The following AFF3 variants were observed in gnomAD, a reference collection of about 807,000 sequenced individuals.
AFF3 encodes AF4/FMR2 family member 3.
A neutral mutation model predicts 129.7 loss-of-function variants in AFF3; 32 were observed. That is an observed-to-expected ratio of 0.25 (90% CI 0.19 to 0.33). The LOEUF is 0.33. Ranked by LOEUF, AFF3 falls within the 10% of genes least tolerant of loss-of-function variation. AFF3 has a pLI of 1.00. For missense variants in AFF3, 1,373 were observed against 1,592.0 expected (o/e 0.86, Z 2.34); for synonymous variants, 644 against 635.4 (o/e 1.01, Z -0.20).
At chr2:100,107,504 A>T (rs1691356281) in intron 2 of AFF3, 2 of 985,178 alleles carry the variant, frequency 2.0e-6, no homozygotes, top group Non-Finnish European at 2.4e-6. Flanking sequence ...TGTTAGAGTG[A>T]TGTTTTCTAT....
intron 13 of AFF3, among the ~76,000 whole-genome samples, chr2:99,618,526 G>A (rs539711308): frequency 6.4e-4 from 97 of 152,050 alleles, no homozygotes; most frequent in Non-Finnish European, 1.1e-3. Context: ...GTGAGCCACC[G>A]CACCCAGCCT....
chr2:100,094,070 G>A (rs1690088382), intron 4 of AFF3, among the ~76,000 whole-genome samples: 2 of 152,210 alleles, frequency 1.3e-5, no homozygotes, highest in South Asian at 2.1e-4. Context: ...TGCTAGAGCT[G>A]TATCCTCCTT....
At chr2:99,791,831 T>C (rs935605455) in intron 8 of AFF3, among the ~76,000 whole-genome samples, 2 of 152,026 alleles carry the variant, frequency 1.3e-5, no homozygotes, top group African/African-American at 2.4e-5. Context: ...GTTTTTCTTT[T>C]TTTTTTTTTT....
intron 7 of AFF3, among the ~76,000 whole-genome samples, chr2:99,879,870 A>G (rs967612404): frequency 6.6e-5 from 10 of 152,244 alleles, no homozygotes; most frequent in Non-Finnish European, 1.5e-4. Flanking sequence ...TTTAACAGGT[A>G]TGAGTATCAG....
chr2:99,735,187 A>T (rs1300565154), intron 10 of AFF3, among the ~76,000 whole-genome samples: 2 of 151,948 alleles, frequency 1.3e-5, no homozygotes, highest in African/African-American at 4.8e-5. Flanking sequence ...TTTGCACATA[A>T]CATATTTTTG....
At chr2:99,774,984 T>C (rs1292558929) in intron 8 of AFF3, among the ~76,000 whole-genome samples, 3 of 152,010 alleles carry the variant, frequency 2.0e-5, no homozygotes, top group Non-Finnish European at 4.4e-5. Context: ...AACAAACACA[T>C]GAAAAAAGCT....
chr2:99,703,289 G>C (rs1487966963), intron 11 of AFF3, among the ~76,000 whole-genome samples: 1 of 152,122 alleles, frequency 6.6e-6, no homozygotes, highest in Non-Finnish European at 1.5e-5. Flanking sequence ...TCTGTCACTG[G>C]CTCTGCAAAG....
intron 10 of AFF3, among the ~76,000 whole-genome samples, chr2:99,727,599 T>G (rs1434921248): frequency 6.7e-6 from 1 of 148,806 alleles, no homozygotes; most frequent in Admixed American, 6.8e-5. Context: ...TCTCACTCTG[T>G]CACCCAGGCT....
rs137862126 is a variant in AFF3, at chr2:99,769,199, C to T, written c.922-16898G>A. Among the ~76,000 whole-genome samples the T allele has an allele frequency of 4.5e-3, 686 of 151,932 alleles. 3 individuals carry two copies. The highest frequency in any genetic ancestry group is 6.8e-3 in the Non-Finnish European group (462 of 67,956). ...GTTTTTTATTCTTTTTTTCTTTTGT[C>T]TTTGCCGATCATACATTTTCAAACA... On this transcript the variant is annotated intron_variant, in intron 8 of 24. Transcript: ENST00000672756.
intron 7 of AFF3, among the ~76,000 whole-genome samples, chr2:99,878,536 G>T (rs1692468193): frequency 6.6e-6 from 1 of 152,078 alleles, no homozygotes; most frequent in Non-Finnish European, 1.5e-5. Context: ...TAAAAATTAA[G>T]GGAAAAAAAT....
chr2:99,589,651 G>A (rs1466657357), intron 15 of AFF3, among the ~76,000 whole-genome samples: 2 of 151,934 alleles, frequency 1.3e-5, no homozygotes, highest in East Asian at 3.9e-4. Flanking sequence ...TGCCCACCTT[G>A]GCCTCCCAAA....
At chr2:99,698,185 G>A (rs550652513) in intron 11 of AFF3, among the ~76,000 whole-genome samples, 30 of 152,278 alleles carry the variant, frequency 2.0e-4, no homozygotes, top group Admixed American at 1.8e-3. Context: ...CTCTAGATAG[G>A]CATCTCTCAC....
intron 7 of AFF3, among the ~76,000 whole-genome samples, chr2:99,890,448 G>A (rs960512810): frequency 6.6e-6 from 1 of 152,176 alleles, no homozygotes; most frequent in African/African-American, 2.4e-5. Context: ...ACAAATGATT[G>A]AGATACATGC....
intron 7 of AFF3, among the ~76,000 whole-genome samples, chr2:99,931,853 G>C (rs1410778410): frequency 6.6e-6 from 1 of 152,208 alleles, no homozygotes; most frequent in Admixed American, 6.5e-5. Flanking sequence ...AGGTTGCAGT[G>C]AGCCGAAATG....
At chr2:100,069,754 C>A (rs1253942751) in intron 4 of AFF3, among the ~76,000 whole-genome samples, 1 of 152,078 alleles carries the variant, frequency 6.6e-6, no homozygotes, top group Non-Finnish European at 1.5e-5. Context: ...TGAATAATGC[C>A]TTAAAATTAA....
At chr2:99,910,126 C>T (rs911358722) in intron 7 of AFF3, among the ~76,000 whole-genome samples, 2 of 152,180 alleles carry the variant, frequency 1.3e-5, no homozygotes, top group African/African-American at 4.8e-5. Flanking sequence ...AAGAGCATTA[C>T]TACAATGCTA....
chr2:99,710,157 G>A (rs754599582), intron 11 of AFF3, among the ~76,000 whole-genome samples: 9 of 152,154 alleles, frequency 5.9e-5, no homozygotes, highest in Non-Finnish European at 8.8e-5. Flanking sequence ...GTGATCCTAT[G>A]TTTCAGCTTA....
At chr2:99,589,335 A>G in intron 15 of AFF3, among the ~76,000 whole-genome samples, 1 of 151,794 alleles carries the variant, frequency 6.6e-6, no homozygotes, top group East Asian at 1.9e-4. Flanking sequence ...GCCAAGTATT[A>G]CTGAGTTGCA....
chr2:99,676,785 T>C (rs573620682), intron 11 of AFF3, among the ~76,000 whole-genome samples: 1 of 152,298 alleles, frequency 6.6e-6, no homozygotes, highest in Admixed American at 6.5e-5. Context: ...TATTTTGGCC[T>C]GTAACTGCTG....
Sources: allele counts gnomAD v4.1 joint callset (sites outside exome capture counted in the v4.1 genomes callset), GRCh38; gene constraint gnomAD v4.1.1; transcripts MANE v1.5; gene names NCBI Gene and HGNC (gene_info 2026-07-23, HGNC 2026-07-21).